Variants in FBN1 observed in about 807,000 individuals in gnomAD.
The protein encoded by FBN1 is fibrillin 1.
A neutral mutation model predicts 365.1 loss-of-function variants in FBN1; 29 were observed. That is an observed-to-expected ratio of 0.08 (90% CI 0.06 to 0.11). The LOEUF (loss-of-function observed/expected upper bound fraction) is 0.11. Among genes scored for constraint, FBN1 ranks in the 10% least tolerant of loss-of-function variants. The pLI, the probability that FBN1 is intolerant of heterozygous loss-of-function variation, is 1.00. For missense variants in FBN1, 2,476 were observed against 3,703.2 expected, an observed-to-expected ratio of 0.67 and a Z score of 8.60; for synonymous variants, 1,210 against 1,270.5, an observed-to-expected ratio of 0.95 and a Z score of 1.01.
At chr15:48,437,237 A>T (rs1268457541) in intron 52 of FBN1, 85 bp downstream of exon 52, 8 of 1,356,510 alleles carry the variant, frequency 5.9e-6, no homozygotes, top group Admixed American at 1.8e-5. Flanking sequence ...ATTTTCCAAG[A>T]TAGATGGAGA....
chr15:48,535,175 T>G (rs1275821134), intron 7 of FBN1, among the ~76,000 whole-genome samples: 1 of 152,196 alleles, frequency 6.6e-6, no homozygotes, highest in Admixed American at 6.5e-5. Flanking sequence ...GCCCTTCCCT[T>G]GACAGTCCAA....
chr15:48,524,376 A>C (rs769642648), intron 9 of FBN1, among the ~76,000 whole-genome samples: 6 of 152,142 alleles, frequency 3.9e-5, no homozygotes, highest in African/African-American at 1.4e-4. Context: ...GGTGAGACCT[A>C]CTCATTCCAA....
At position 48,525,366 on chromosome 15, in the gene FBN1, G is replaced by C. The variant is rs571236749; in HGVS notation, c.988+764C>G. ...TCGGCCTCCCAAAGTGCTGGGATTA[G>C]AGGTGTGAGCTACTGCGCCCAGCCA... On this transcript the variant is annotated intron_variant, in intron 9 of 65. Coordinates refer to ENST00000316623, the MANE Select transcript of FBN1 (RefSeq NM_000138.5). 8.5e-5 allele frequency among the ~76,000 whole-genome samples: 13 copies of C among 152,262 alleles called. 1 individual carries two copies. In the South Asian group the frequency reaches 2.7e-3, roughly 32 times the overall value.
chr15:48,570,612 G>C (rs1245869641), intron 6 of FBN1, among the ~76,000 whole-genome samples: 1 of 152,120 alleles, frequency 6.6e-6, no homozygotes. Context: ...TGAATCTGTT[G>C]AACACTCTAG....
chr15:48,555,300 T>C (rs899749619), intron 6 of FBN1, among the ~76,000 whole-genome samples: 1 of 152,212 alleles, frequency 6.6e-6, no homozygotes, highest in South Asian at 2.1e-4. Context: ...CATGAGCTTC[T>C]AACGCTCTGA....
intron 63 of FBN1, among the ~76,000 whole-genome samples, chr15:48,419,037 G>C (rs1302204489): frequency 6.6e-6 from 1 of 152,156 alleles, no homozygotes; most frequent in East Asian, 1.9e-4. Context: ...CTGGGAGTGA[G>C]GATCCAGGGA....
intron 35 of FBN1, 138 bp from the exon 36 acceptor site, chr15:48,470,894 G>A: frequency 1.0e-6 from 1 of 984,392 alleles, no homozygotes; most frequent in East Asian, 2.7e-5. Context: ...TTCTCCTATA[G>A]ACTTTTAGAT....
intron 44 of FBN1, among the ~76,000 whole-genome samples, chr15:48,456,071 T>C (rs78260518): frequency 1.3e-5 from 2 of 152,186 alleles, no homozygotes; most frequent in Non-Finnish European, 2.9e-5. Context: ...TGAAGTGCTA[T>C]AAGGAATGCT....
intron 5 of FBN1, among the ~76,000 whole-genome samples, chr15:48,597,238 C>T: frequency 6.6e-6 from 1 of 152,194 alleles, no homozygotes. Flanking sequence ...TTGAGCCACT[C>T]ATACTTTCCC....
chr15:48,444,696 CACT>C lies in FBN1; in HGVS notation c.5918-39_5918-37del, dbSNP rs763801829. ...AAGGGAAAAATAAGGAAGAGGTTCC[CACT>C]GGCATGACTTCCATCAAACAATTAA... is the stretch of plus-strand genomic sequence containing the variant. On this transcript the variant is annotated intron_variant, in intron 48 of 65. Coordinates refer to ENST00000316623, the MANE Select transcript of FBN1 (RefSeq NM_000138.5). 8 of 1,610,830 alleles carry C rather than the reference CACT, an allele frequency of 5.0e-6. No individual in the cohort carries two copies. In the East Asian group the frequency reaches 1.6e-4, roughly 31 times the overall value.
chr15:48,531,948 A>T (rs2043976881), intron 8 of FBN1, among the ~76,000 whole-genome samples: 1 of 152,236 alleles, frequency 6.6e-6, no homozygotes, highest in Non-Finnish European at 1.5e-5. Context: ...TCTAGCCAAA[A>T]TAGTCTGTTT....
At chr15:48,576,200 G>A (rs1170070891) in intron 6 of FBN1, among the ~76,000 whole-genome samples, 1 of 152,088 alleles carries the variant, frequency 6.6e-6, no homozygotes, top group South Asian at 2.1e-4. Flanking sequence ...TCCCTTCATG[G>A]TGAACTACCT....
intron 2 of FBN1, among the ~76,000 whole-genome samples, chr15:48,635,471 TACA>T (rs375276370): frequency 5.8e-4 from 89 of 152,340 alleles, no homozygotes; most frequent in African/African-American, 2.1e-3. Context: ...TTCAGCTCAT[TACA>T]ACACCAATTC....
chr15:48,568,598 A>G (rs949739427), intron 6 of FBN1, among the ~76,000 whole-genome samples: 1 of 152,126 alleles, frequency 6.6e-6, no homozygotes, highest in African/African-American at 2.4e-5. Flanking sequence ...AAAACTTACT[A>G]CAAAGCAACA....
intron 6 of FBN1, among the ~76,000 whole-genome samples, chr15:48,579,554 C>G (rs2044375599): frequency 6.6e-6 from 1 of 152,164 alleles, no homozygotes; most frequent in Non-Finnish European, 1.5e-5. Flanking sequence ...CTATGGACAT[C>G]TGGAATAGCT....
chr15:48,499,286 C>T (rs1261022145), intron 17 of FBN1, among the ~76,000 whole-genome samples: 1 of 152,210 alleles, frequency 6.6e-6, no homozygotes, highest in Non-Finnish European at 1.5e-5. Flanking sequence ...AAAGCCCTTT[C>T]GGAAAAGGTG....
chr15:48,541,727 C>CTT (rs61478233), intron 6 of FBN1, among the ~76,000 whole-genome samples: 2,136 of 137,712 alleles, frequency 0.016, 69 homozygotes, highest in African/African-American at 0.054. Flanking sequence ...TTTACATACT[C>CTT]TTTTTTTTTT....
At chr15:48,628,233 G>A (rs2140761026) in intron 2 of FBN1, among the ~76,000 whole-genome samples, 1 of 151,962 alleles carries the variant, frequency 6.6e-6, no homozygotes, top group Middle Eastern at 3.4e-3. Context: ...AGGGGACTGG[G>A]TGTACCAGTA....
intron 64 of FBN1, among the ~76,000 whole-genome samples, chr15:48,415,025 A>T (rs2042890869): frequency 1.3e-5 from 2 of 152,168 alleles, no homozygotes; most frequent in South Asian, 4.1e-4. Context: ...CACCTTTGGT[A>T]AAATTTAATG....
Sources: gnomAD v4.1 joint callset for allele counts (sites outside exome capture counted in the v4.1 genomes callset) on GRCh38, gnomAD v4.1.1 for gene constraint, MANE v1.5 for transcripts, NCBI Gene and HGNC (gene_info 2026-07-23, HGNC 2026-07-21) for gene names.